LRRTM4: variants seen among roughly 807,000 people sequenced by gnomAD.
The protein encoded by LRRTM4 is leucine rich repeat transmembrane neuronal 4.
LRRTM4 carries 25 observed loss-of-function variants against 47.6 expected under a neutral mutation model. That is an observed-to-expected ratio of 0.53 (90% CI 0.38 to 0.73). LRRTM4 has a LOEUF of 0.73. Among genes scored for constraint, LRRTM4 ranks in the 30% least tolerant of loss-of-function variants. LRRTM4 has a pLI of 0.00. For synonymous variants in LRRTM4, 311 were observed against 269.5 expected (o/e 1.15, Z -1.51); for missense variants, 638 against 713.4 (o/e 0.89, Z 1.20).
intron 3 of LRRTM4, among the ~76,000 whole-genome samples, chr2:76,755,661 CAG>C (rs1280268952): frequency 1.3e-5 from 2 of 152,078 alleles, no homozygotes; most frequent in Non-Finnish European, 2.9e-5. Context: ...GAGAAAAATG[CAG>C]AGTTTTGAGC....
intron 3 of LRRTM4, among the ~76,000 whole-genome samples, chr2:76,877,158 T>C (rs1672801136): frequency 6.6e-6 from 1 of 152,104 alleles, no homozygotes; most frequent in Non-Finnish European, 1.5e-5. Context: ...GAGCAGTCTC[T>C]GTCTGCTCTG....
rs190365992 is a variant in LRRTM4 at position 77,023,327 on chromosome 2, G to T, written c.1552-274411C>A. ...TGTGATGGGAGAGGCTGCCGCAAAGGTCTCTTGATACCCTGGAGACATTTT... is the reference window on the plus strand; with the variant it reads ...TGTGATGGGAGAGGCTGCCGCAAAGTTCTCTTGATACCCTGGAGACATTTT... On this transcript the variant is annotated intron_variant, in intron 3 of 3. Transcript: ENST00000409884. Among the ~76,000 whole-genome samples the T allele has an allele frequency of 2.9e-3, 444 of 152,256 alleles. 5 individuals are homozygous for T. Among genetic ancestry groups the T allele is most frequent in the African/African-American group, 9.3e-3 (386 of 41,556 alleles).
At chr2:76,847,415 C>T (rs2103959435) in intron 3 of LRRTM4, among the ~76,000 whole-genome samples, 1 of 152,114 alleles carries the variant, frequency 6.6e-6, no homozygotes, top group East Asian at 1.9e-4. Flanking sequence ...ACAGTTTTTT[C>T]ATGAGCCAAT....
chr2:77,501,189 C>A (rs1678559160), intron 3 of LRRTM4, among the ~76,000 whole-genome samples: 1 of 149,978 alleles, frequency 6.7e-6, no homozygotes, highest in South Asian at 2.1e-4. Flanking sequence ...AAATAATACC[C>A]CAAATATATT....
chr2:77,427,190 G>T (rs1285165230), intron 3 of LRRTM4, among the ~76,000 whole-genome samples: 2 of 152,078 alleles, frequency 1.3e-5, no homozygotes, highest in African/African-American at 4.8e-5. Context: ...TGTTGATCAG[G>T]ATGGTCTTGA....
chr2:77,381,172 A>C (rs1673036870), intron 3 of LRRTM4, among the ~76,000 whole-genome samples: 1 of 152,090 alleles, frequency 6.6e-6, no homozygotes, highest in African/African-American at 2.4e-5. Context: ...ACTGAAGCAC[A>C]ATAAACATAT....
At chr2:77,491,484 C>G (rs1385600081) in intron 3 of LRRTM4, among the ~76,000 whole-genome samples, 1 of 151,808 alleles carries the variant, frequency 6.6e-6, no homozygotes, top group Non-Finnish European at 1.5e-5. Context: ...TGACCAAATA[C>G]AAGAGTACTA....
chr2:77,487,062 G>GGCA (rs771997453), intron 3 of LRRTM4, among the ~76,000 whole-genome samples: 14 of 152,156 alleles, frequency 9.2e-5, no homozygotes, highest in Non-Finnish European at 1.9e-4. Flanking sequence ...TAGAAGTAAT[G>GGCA]GCAGCAGCAG....
At chr2:76,859,730 A>T (rs17040484) in intron 3 of LRRTM4, among the ~76,000 whole-genome samples, 2,119 of 152,220 alleles carry the variant, frequency 0.014, 66 homozygotes, top group African/African-American at 0.048. Flanking sequence ...TAGCTCCATA[A>T]GCTGTTTACT....
intron 3 of LRRTM4, among the ~76,000 whole-genome samples, chr2:77,094,138 A>G (rs1435147524): frequency 6.6e-6 from 1 of 152,232 alleles, no homozygotes; most frequent in Non-Finnish European, 1.5e-5. Context: ...GTAGCATTTT[A>G]TACACCACCA....
chr2:76,975,058 AC>A (rs1185925599), intron 3 of LRRTM4, among the ~76,000 whole-genome samples: 1 of 151,778 alleles, frequency 6.6e-6, no homozygotes, highest in Admixed American at 6.6e-5. Context: ...TCAGTGGTTA[AC>A]AAAAACAAAC....
At chr2:76,856,991 TTC>T (rs1047598412) in intron 3 of LRRTM4, among the ~76,000 whole-genome samples, 2 of 152,002 alleles carry the variant, frequency 1.3e-5, no homozygotes, top group East Asian at 1.9e-4. Context: ...CAAAATAAAT[TTC>T]TCTCTTAATG....
At chr2:76,803,151 G>T (rs2103781633) in intron 3 of LRRTM4, among the ~76,000 whole-genome samples, 1 of 152,208 alleles carries the variant, frequency 6.6e-6, no homozygotes, top group East Asian at 1.9e-4. Flanking sequence ...GCCAGGGACA[G>T]AGTGAAGGGA....
At chr2:77,402,943 A>T (rs1674019224) in intron 3 of LRRTM4, among the ~76,000 whole-genome samples, 1 of 151,934 alleles carries the variant, frequency 6.6e-6, no homozygotes, top group African/African-American at 2.4e-5. Context: ...AAAAACTCAG[A>T]CCTTTCTCTC....
At chr2:77,020,234 A>C (rs1384463504) in intron 3 of LRRTM4, among the ~76,000 whole-genome samples, 1 of 152,092 alleles carries the variant, frequency 6.6e-6, no homozygotes, top group Non-Finnish European at 1.5e-5. Flanking sequence ...AAAAATAAAA[A>C]CCTTAATATT....
chr2:76,998,798 G>A (rs74940845), intron 3 of LRRTM4, among the ~76,000 whole-genome samples: 4,167 of 146,848 alleles, frequency 0.028, 240 homozygotes, highest in African/African-American at 0.099. Flanking sequence ...AACATCAGGC[G>A]TACATTGAGA....
intron 3 of LRRTM4, among the ~76,000 whole-genome samples, chr2:76,864,919 T>A (rs554227461): frequency 6.6e-6 from 1 of 150,512 alleles, no homozygotes; most frequent in East Asian, 2.0e-4. Flanking sequence ...ATTTTTTTTA[T>A]AGAGACAGGG....
At chr2:77,084,022 A>G (rs979925521) in intron 3 of LRRTM4, among the ~76,000 whole-genome samples, 1 of 151,306 alleles carries the variant, frequency 6.6e-6, no homozygotes, top group African/African-American at 2.4e-5. Context: ...AGCAAGGATG[A>G]TCCCCATCTC....
At chr2:77,260,048 A>T (rs1010470377) in intron 3 of LRRTM4, among the ~76,000 whole-genome samples, 4 of 152,076 alleles carry the variant, frequency 2.6e-5, no homozygotes, top group African/African-American at 9.7e-5. Context: ...TGTAAATTAA[A>T]ATAACCAGTC....
Sources: allele counts gnomAD v4.1 joint callset (sites outside exome capture counted in the v4.1 genomes callset), GRCh38; gene constraint gnomAD v4.1.1; transcripts MANE v1.5; gene names NCBI Gene and HGNC (gene_info 2026-07-23, HGNC 2026-07-21).